PCDHGA5: variants seen among roughly 807,000 people sequenced by gnomAD.
PCDHGA5 encodes protocadherin gamma-A5.
Under a neutral mutation model 56.7 loss-of-function variants are expected in PCDHGA5, and 36 were observed. That is an observed-to-expected ratio of 0.64 (90% CI 0.49 to 0.84). The LOEUF (loss-of-function observed/expected upper bound fraction) is 0.84. Ranked by LOEUF, PCDHGA5 falls within the 40% of genes least tolerant of loss-of-function variation. The pLI, the probability that PCDHGA5 is intolerant of heterozygous loss-of-function variation, is 0.00. For synonymous variants in PCDHGA5, 563 were observed against 520.2 expected (o/e 1.08, Z -1.12); for missense variants, 1,305 against 1,201.5 (o/e 1.09, Z -1.27).
chr5:141,412,923 G>A, intron 1 of PCDHGA5: 1 of 420,946 alleles, frequency 2.4e-6, no homozygotes, highest in East Asian at 3.6e-5. Flanking sequence ...CTTGGGTGCA[G>A]TAACTTCTTA....
chr5:141,442,981 C>T (rs2098357132), intron 1 of PCDHGA5, among the ~76,000 whole-genome samples: 1 of 152,142 alleles, frequency 6.6e-6, no homozygotes, highest in African/African-American at 2.4e-5. Flanking sequence ...ATAAAGTTAG[C>T]CTATAATTTC....
chr5:141,429,651 C>G (rs62379161), intron 1 of PCDHGA5, among the ~76,000 whole-genome samples: 5,146 of 152,188 alleles, frequency 0.034, 101 homozygotes, highest in Middle Eastern at 0.088. Context: ...TATTTCTTCC[C>G]AATTTAAAAT....
intron 1 of PCDHGA5, among the ~76,000 whole-genome samples, chr5:141,463,088 C>T (rs768488458): frequency 6.6e-6 from 1 of 152,108 alleles, no homozygotes; most frequent in Non-Finnish European, 1.5e-5. Flanking sequence ...ATTTTCCAGC[C>T]CTATGTGACC....
At chr5:141,378,061 A>G (rs1285707649) in intron 1 of PCDHGA5, 4 of 152,212 alleles carry the variant, frequency 2.6e-5, no homozygotes, top group African/African-American at 9.7e-5. Flanking sequence ...TCTGACTCAA[A>G]TTCTAAGAAA....
At chr5:141,404,321 T>A (rs764642673) in intron 1 of PCDHGA5, 7 of 1,613,764 alleles carry the variant, frequency 4.3e-6, no homozygotes, top group Non-Finnish European at 3.4e-6. Flanking sequence ...TCAAGCCTCC[T>A]ACTCAGTCTA....
chr5:141,511,428 G>T lies in PCDHGA5; in HGVS notation c.*255G>T. 1 of 769,024 alleles carries T rather than the reference G, an allele frequency of 1.3e-6. No homozygotes were observed. The highest frequency in any genetic ancestry group is 2.0e-6 in the Non-Finnish European group (1 of 504,448). 47.6% of individuals were successfully genotyped at this position (769,024 alleles called of 1,614,324 possible). ...ACTGCTGTACCCATGGGGGTAGTGG[G>T]GTTACTGTAGACACCAAGAACCATT... On this transcript the variant is annotated 3_prime_UTR_variant, in exon 4 of 4. Transcript: ENST00000518069.
chr5:141,410,167 T>A (rs372848702), intron 1 of PCDHGA5: 1 of 1,613,770 alleles, frequency 6.2e-7, no homozygotes, highest in South Asian at 1.1e-5. Flanking sequence ...CGCCACTCTC[T>A]GCCACCGCCA....
intron 1 of PCDHGA5, chr5:141,371,077 T>G (rs1169560992): frequency 8.1e-6 from 13 of 1,613,784 alleles, no homozygotes; most frequent in Admixed American, 1.7e-5. Context: ...ACCACCCAGA[T>G]CAGGGTAATT....
At chr5:141,444,788 G>T (rs775248284) in intron 1 of PCDHGA5, among the ~76,000 whole-genome samples, 59 of 151,920 alleles carry the variant, frequency 3.9e-4, no homozygotes, top group Non-Finnish European at 5.7e-4. Context: ...TGTTTCATTT[G>T]TCTATTCTTT....
At chr5:141,419,762 AAGGACTCG>A (rs1468964539) in intron 1 of PCDHGA5, 2 of 1,614,008 alleles carry the variant, frequency 1.2e-6, no homozygotes, top group South Asian at 2.2e-5. Context: ...TTTGGGTGAC[AAGGACTCG>A]GTCCGCCAGC....
At chr5:141,501,837 G>C (rs2099811299) in intron 2 of PCDHGA5, among the ~76,000 whole-genome samples, 1 of 152,018 alleles carries the variant, frequency 6.6e-6, no homozygotes, top group Admixed American at 6.5e-5. Flanking sequence ...CCACCTGTTT[G>C]GCCCTCAACC....
chr5:141,364,548 A>T lies in PCDHGA5; in HGVS notation c.218A>T (p.Gln73Leu), dbSNP rs1763399502. The change falls in exon 1 of 4, where the codon CAG becomes CTG. Residue 73 changes from glutamine to leucine, a missense_variant. Transcript: ENST00000518069. ...CGCATCGTCTCCAGAGGTAGGACGC[A>T]GCTTTTTGCCCTGAACCCGCGAAGC... ...GVRIVSRGRT[Q>L]LFALNPRSGS... is the part of the protein sequence containing the mutation. The T allele has an allele frequency of 1.2e-6, 2 of 1,613,988 alleles. No individual in the cohort carries two copies.
At chr5:141,415,935 C>T (rs2095972319) in intron 1 of PCDHGA5, 1 of 601,888 alleles carries the variant, frequency 1.7e-6, no homozygotes, top group Non-Finnish European at 2.4e-6. Flanking sequence ...TTTATATTTC[C>T]TCCTGGGTGG....
chr5:141,406,796 T>C (rs1010773625), intron 1 of PCDHGA5, among the ~76,000 whole-genome samples: 7 of 152,362 alleles, frequency 4.6e-5, no homozygotes, highest in Admixed American at 1.3e-4. Flanking sequence ...TATTTCTGGC[T>C]CAATTCTCCA....
chr5:141,387,136 T>G (rs985189189), intron 1 of PCDHGA5, among the ~76,000 whole-genome samples: 1 of 152,210 alleles, frequency 6.6e-6, no homozygotes, highest in Non-Finnish European at 1.5e-5. Context: ...CTGAAACTAT[T>G]GGGAAGGGGG....
chr5:141,477,262 C>A lies in PCDHGA5; in HGVS notation c.2422-17545C>A, dbSNP rs60063068. 1.2e-5 allele frequency: 19 copies of A among 1,614,020 alleles called. No homozygotes were observed. The East Asian group carries it at 4.2e-4, about 36-fold the overall frequency. On this transcript the variant is annotated intron_variant, in intron 1 of 3. Transcript: ENST00000518069. This position sits in a 1 kb window ranked among gnomAD's most constrained non-coding sequence, Gnocchi z 4.9. ...TCAGTGTGACTGACCTGGATGCTGG[C>A]GAGAACGGGCTGGTGACCTGCGAAG...
chr5:141,371,424 G>GC, intron 1 of PCDHGA5: 1 of 1,613,946 alleles, frequency 6.2e-7, no homozygotes. Flanking sequence ...AAATGACAAT[G>GC]CCCCGGAGAT....
intron 1 of PCDHGA5, chr5:141,417,735 C>T (rs1408012587): frequency 1.4e-6 from 2 of 1,398,382 alleles, no homozygotes; most frequent in African/African-American, 2.9e-5. Flanking sequence ...CCTTGCCCAG[C>T]ACACCAGATT....
chr5:141,390,396 T>G, intron 1 of PCDHGA5: 2 of 1,374,352 alleles, frequency 1.5e-6, no homozygotes, highest in Admixed American at 2.2e-5. Context: ...ATGGATCATT[T>G]TAGGAAAGTT....
Sources: allele counts gnomAD v4.1 joint callset (sites outside exome capture counted in the v4.1 genomes callset), GRCh38; gene constraint gnomAD v4.1.1; non-coding constraint Gnocchi (gnomAD v3.1); transcripts MANE v1.5; gene names NCBI Gene and HGNC (gene_info 2026-07-23, HGNC 2026-07-21).